The following SUGCT variants were observed in gnomAD, a reference collection of about 807,000 sequenced individuals.
The protein encoded by SUGCT is succinyl-CoA:glutarate-CoA transferase.
SUGCT carries 41 observed loss-of-function variants against 55.0 expected under a neutral mutation model. The ratio of observed to expected loss-of-function variants is 0.74; its 90% CI spans 0.58 to 0.97. SUGCT has a LOEUF of 0.97. Ranked by LOEUF, SUGCT falls within the 50% of genes least tolerant of loss-of-function variation. The pLI, the probability that SUGCT is intolerant of heterozygous loss-of-function variation, is 0.00. For missense variants in SUGCT, 568 were observed against 547.8 expected, an observed-to-expected ratio of 1.04 and a Z score of -0.37; for synonymous variants, 187 against 200.4, an observed-to-expected ratio of 0.93 and a Z score of 0.56.
chr7:40,797,248 C>T (rs1790593171), intron 13 of SUGCT, among the ~76,000 whole-genome samples: 1 of 152,116 alleles, frequency 6.6e-6, no homozygotes, highest in African/African-American at 2.4e-5. Context: ...ATAGTTATAG[C>T]AATAGCTCCA....
At chr7:40,221,129 T>C (rs1241501477) in intron 6 of SUGCT, among the ~76,000 whole-genome samples, 1 of 152,126 alleles carries the variant, frequency 6.6e-6, no homozygotes, top group Non-Finnish European at 1.5e-5. Context: ...TTTTAAATTA[T>C]TATTATCAGA....
the SUGCT span, among the ~76,000 whole-genome samples, chr7:40,878,641 A>G: frequency 6.6e-6 from 1 of 152,174 alleles, no homozygotes; most frequent in Non-Finnish European, 1.5e-5. Flanking sequence ...ACTTTACCAG[A>G]TATCATTCTG....
the SUGCT span, among the ~76,000 whole-genome samples, chr7:40,898,858 A>G: frequency 2.0e-5 from 3 of 152,136 alleles, no homozygotes; most frequent in South Asian, 2.1e-4. Context: ...ATGTGATCAA[A>G]GTGAATAGTT....
In SUGCT at chr7:40,224,815, T is replaced by G. The variant is rs1788234713; in HGVS notation, c.485-12820T>G. On this transcript the variant is annotated intron_variant, in intron 6 of 13. Coordinates refer to ENST00000335693, the MANE Select transcript of SUGCT (RefSeq NM_001193313.2). ...GGACCTCTTTTCATCTGTATGGATG[T>G]TGATGTTCCAAGTAGGGAGGAATTG... is the stretch of plus-strand genomic sequence containing the variant. Among the ~76,000 whole-genome samples the G allele has an allele frequency of 2.0e-5, 3 of 152,274 alleles. 1 individual carries two copies. The South Asian group carries it at 6.2e-4, about 32-fold the overall frequency.
At chr7:40,351,218 T>A (rs1352258205) in intron 9 of SUGCT, among the ~76,000 whole-genome samples, 1 of 152,114 alleles carries the variant, frequency 6.6e-6, no homozygotes, top group Non-Finnish European at 1.5e-5. Context: ...TCTCAGTTTG[T>A]GTTTTAATTT....
chr7:40,186,210 T>TCCCTCCTCTCCCCTCCCCTC (rs1785499054), intron 3 of SUGCT, among the ~76,000 whole-genome samples: 1 of 115,398 alleles, frequency 8.7e-6, no homozygotes, highest in African/African-American at 3.2e-5. Context: ...CCCCTCCCCT[T>TCCCTCCTCTCCCCTCCCCTC]CCCTCCTCTC....
At chr7:41,017,959 G>A in the SUGCT span, among the ~76,000 whole-genome samples, 4 of 151,348 alleles carry the variant, frequency 2.6e-5, no homozygotes, top group African/African-American at 9.7e-5. Context: ...GGAGTTGCAG[G>A]AGACTGATGC....
intron 13 of SUGCT, among the ~76,000 whole-genome samples, chr7:40,804,111 G>A (rs749507828): frequency 6.6e-6 from 1 of 152,122 alleles, no homozygotes; most frequent in Admixed American, 6.6e-5. Context: ...TCTAGGAATT[G>A]ATTATCGCCT....
chr7:40,754,639 C>T (rs543583741), intron 13 of SUGCT, among the ~76,000 whole-genome samples: 8 of 152,304 alleles, frequency 5.3e-5, no homozygotes, highest in African/African-American at 1.9e-4. Context: ...GGTGCACATA[C>T]CAGGGAGACC....
chr7:40,539,142 C>T (rs967255466), intron 12 of SUGCT: 9 of 151,886 alleles, frequency 5.9e-5, no homozygotes, highest in African/African-American at 2.2e-4. Flanking sequence ...TGGAAGACCC[C>T]TGGGCTCTTT....
chr7:40,707,250 A>T (rs568072652), intron 12 of SUGCT, among the ~76,000 whole-genome samples: 2,053 of 79,162 alleles, frequency 0.026, 19 homozygotes, highest in Non-Finnish European at 0.043. Context: ...TTTTTTTTTT[A>T]AAAAGGCAGA....
Position 40,177,349 on chromosome 7 carries a change from T to G in SUGCT, c.101-3598T>G, listed in dbSNP as rs1375532051. ...TCTGCTCCCTGCACATCACTTTCCTTTTTCTATCCATAAGTTCTCTCCCAC... is the reference window on the plus strand; with the variant it reads ...TCTGCTCCCTGCACATCACTTTCCTGTTTCTATCCATAAGTTCTCTCCCAC... On this transcript the variant is annotated intron_variant, in intron 1 of 13. Transcript: ENST00000335693. Among the ~76,000 whole-genome samples the G allele has an allele frequency of 5.3e-5, 8 of 152,006 alleles. No individual in the cohort carries two copies. The South Asian group carries it at 1.7e-3, about 32-fold the overall frequency.
chr7:40,655,992 CA>C (rs1011571181), intron 12 of SUGCT, among the ~76,000 whole-genome samples: 2 of 151,992 alleles, frequency 1.3e-5, no homozygotes, highest in African/African-American at 4.8e-5. Flanking sequence ...CCGAGAGGGG[CA>C]AGAGAATTAA....
chr7:40,378,614 A>G (rs950267384), intron 9 of SUGCT, among the ~76,000 whole-genome samples: 2 of 152,146 alleles, frequency 1.3e-5, no homozygotes, highest in Admixed American at 6.5e-5. Context: ...CTGGGACTAC[A>G]GGCATGTGCC....
At chr7:40,816,765 CT>C (rs1453036884) in intron 13 of SUGCT, among the ~76,000 whole-genome samples, 1 of 152,122 alleles carries the variant, frequency 6.6e-6, no homozygotes, top group Non-Finnish European at 1.5e-5. Context: ...TAAGGTTATT[CT>C]TTAGCAAGCC....
At chr7:40,303,942 A>G (rs1024082496) in intron 8 of SUGCT, among the ~76,000 whole-genome samples, 1 of 152,036 alleles carries the variant, frequency 6.6e-6, no homozygotes, top group African/African-American at 2.4e-5. Flanking sequence ...CTAAAAATAA[A>G]AAAATTAGCC....
At chr7:40,503,087 C>T (rs1461280101) in intron 12 of SUGCT, among the ~76,000 whole-genome samples, 1 of 151,964 alleles carries the variant, frequency 6.6e-6, no homozygotes, top group African/African-American at 2.4e-5. Flanking sequence ...CAAATAATGT[C>T]AGATTTTAGG....
intron 10 of SUGCT, among the ~76,000 whole-genome samples, chr7:40,456,473 T>G (rs1252095955): frequency 6.6e-6 from 1 of 152,200 alleles, no homozygotes; most frequent in Non-Finnish European, 1.5e-5. Context: ...GCTATACCAG[T>G]GAACAAAACA....
chr7:40,852,569 C>T (rs1219114402), intron 13 of SUGCT, among the ~76,000 whole-genome samples: 1 of 151,272 alleles, frequency 6.6e-6, no homozygotes, highest in Non-Finnish European at 1.5e-5. Context: ...TTATCTAGTA[C>T]CTCTCTTCTG....
Sources: allele counts gnomAD v4.1 joint callset (sites outside exome capture counted in the v4.1 genomes callset), GRCh38; gene constraint gnomAD v4.1.1; transcripts MANE v1.5; gene names NCBI Gene and HGNC (gene_info 2026-07-23, HGNC 2026-07-21).